Variants in PTCHD4 observed in about 807,000 individuals in gnomAD.
PTCHD4 encodes the protein patched domain containing 4.
Under a neutral mutation model 58.1 loss-of-function variants are expected in PTCHD4, and 33 were observed. The ratio of observed to expected loss-of-function variants is 0.57; its 90% CI spans 0.43 to 0.76. The LOEUF is 0.76. Ranked by LOEUF, PTCHD4 falls within the 30% of genes least tolerant of loss-of-function variation. The pLI is 0.00. For synonymous variants in PTCHD4, 478 were observed against 409.6 expected, an observed-to-expected ratio of 1.17 and a Z score of -2.02; for missense variants, 1,058 against 1,027.1, an observed-to-expected ratio of 1.03 and a Z score of -0.41.
intron 1 of PTCHD4, among the ~76,000 whole-genome samples, chr6:48,082,974 A>T (rs982676904): frequency 6.6e-6 from 1 of 151,826 alleles, no homozygotes; most frequent in African/African-American, 2.4e-5. Flanking sequence ...AATAAACATC[A>T]TTTAATATAA....
intron 4 of PTCHD4, among the ~76,000 whole-genome samples, chr6:47,965,692 G>T (rs952923799): frequency 6.6e-6 from 1 of 152,152 alleles, no homozygotes; most frequent in Admixed American, 6.5e-5. Flanking sequence ...ACTTTGGGAG[G>T]CCAAGGAGGG....
chr6:48,013,236 A>T (rs1762747999), intron 3 of PTCHD4, among the ~76,000 whole-genome samples: 2 of 152,008 alleles, frequency 1.3e-5, no homozygotes, highest in Admixed American at 1.3e-4. Flanking sequence ...TAGGCTCTTA[A>T]TTACTGCCTC....
chr6:47,941,109 G>A (rs937712231), intron 4 of PTCHD4, among the ~76,000 whole-genome samples: 11 of 152,096 alleles, frequency 7.2e-5, no homozygotes, highest in Admixed American at 6.5e-5. Context: ...ACTCTCCCTC[G>A]TAACACAGGG....
intron 4 of PTCHD4, among the ~76,000 whole-genome samples, chr6:47,964,498 A>C (rs1395221432): frequency 6.6e-6 from 1 of 152,146 alleles, no homozygotes; most frequent in South Asian, 2.1e-4. Context: ...CTGCCTAACT[A>C]TTGGGGGCTG....
chr6:47,989,980 C>A (rs1181709609), intron 4 of PTCHD4, among the ~76,000 whole-genome samples: 1 of 152,174 alleles, frequency 6.6e-6, no homozygotes, highest in Non-Finnish European at 1.5e-5. Context: ...GGGACTCTAC[C>A]CTGCAAAGCC....
chr6:47,991,662 A>G (rs1242318939), intron 4 of PTCHD4, among the ~76,000 whole-genome samples: 1 of 152,110 alleles, frequency 6.6e-6, no homozygotes, highest in Non-Finnish European at 1.5e-5. Context: ...AGTGCTAGAC[A>G]GCAATATCAT....
intron 4 of PTCHD4, among the ~76,000 whole-genome samples, chr6:47,889,753 A>G (rs1348715917): frequency 2.0e-5 from 3 of 150,934 alleles, no homozygotes; most frequent in African/African-American, 7.3e-5. Flanking sequence ...TAAAAACCCT[A>G]GAAGAAAACC....
intron 4 of PTCHD4, among the ~76,000 whole-genome samples, chr6:47,916,520 C>T (rs1233127008): frequency 6.6e-6 from 1 of 152,160 alleles, no homozygotes; most frequent in East Asian, 1.9e-4. Flanking sequence ...GGAAAATCTG[C>T]CCCCTTATCT....
chr6:48,054,464 A>G (rs543120034), intron 3 of PTCHD4, among the ~76,000 whole-genome samples: 6 of 152,290 alleles, frequency 3.9e-5, no homozygotes, highest in African/African-American at 1.4e-4. Context: ...CATAAATTTC[A>G]TAAGTTTAAA....
chr6:48,095,855 C>T (rs1262165076), intron 1 of PTCHD4, among the ~76,000 whole-genome samples: 3 of 151,972 alleles, frequency 2.0e-5, no homozygotes, highest in Non-Finnish European at 4.4e-5. Context: ...CTGATGTCAG[C>T]TAGGGCTTTG....
intron 4 of PTCHD4, among the ~76,000 whole-genome samples, chr6:47,919,844 C>G (rs926972269): frequency 1.3e-5 from 2 of 152,174 alleles, no homozygotes; most frequent in East Asian, 1.9e-4. Flanking sequence ...CCTGGCCAGA[C>G]AGAAAGGCTA....
At chr6:48,083,690 C>G (rs1458992264) in intron 1 of PTCHD4, among the ~76,000 whole-genome samples, 1 of 152,072 alleles carries the variant, frequency 6.6e-6, no homozygotes, top group Non-Finnish European at 1.5e-5. Flanking sequence ...ACTTAACCTG[C>G]CAGAGGTGGA....
Position 48,082,288 on chromosome 6 carries a change from G to T in PTCHD4, c.-969-12362C>A, listed in dbSNP as rs368756388. The stretch of plus-strand genomic sequence containing the variant: ...GTGGCTTATGAAACTTTCTTCTTAG[G>T]TCTTATAAAAATTCATTCAATCCAT... On this transcript the variant is annotated intron_variant, in intron 1 of 4. Transcript: ENST00000339488. 3.3e-5 allele frequency among the ~76,000 whole-genome samples: 5 copies of T among 152,122 alleles called. No homozygotes were observed. In the East Asian group the frequency reaches 7.7e-4, roughly 23 times the overall value.
chr6:48,089,632 G>GT (rs1378396309), intron 1 of PTCHD4, among the ~76,000 whole-genome samples: 10 of 152,134 alleles, frequency 6.6e-5, no homozygotes, highest in Admixed American at 3.3e-4. Flanking sequence ...TGATTTTGTA[G>GT]TTTTTTGTTC....
intron 4 of PTCHD4, among the ~76,000 whole-genome samples, chr6:47,934,092 C>T (rs1200343117): frequency 2.6e-5 from 4 of 152,064 alleles, no homozygotes; most frequent in African/African-American, 7.2e-5. Flanking sequence ...TTCCATTGAT[C>T]TCTAATGAGA....
rs1265965380 is a variant in PTCHD4, at chr6:47,875,194, T to C, written c.*3109A>G. Among the ~76,000 whole-genome samples the C allele has an allele frequency of 2.0e-5, 3 of 151,850 alleles. No individual in the cohort carries two copies. Among genetic ancestry groups the C allele is most frequent in the African/African-American group, 7.2e-5 (3 of 41,384 alleles). ...AAATTTCTTCTCTTCTAGGAGTTGA[T>C]TGGTCATCTGCTGACAACAGATAAG... On this transcript the variant is annotated 3_prime_UTR_variant, in exon 5 of 5. Coordinates refer to ENST00000339488, the MANE Select transcript of PTCHD4 (RefSeq NM_001384253.1).
At chr6:48,043,397 CTTAA>C (rs1002553831) in intron 3 of PTCHD4, among the ~76,000 whole-genome samples, 1 of 151,778 alleles carries the variant, frequency 6.6e-6, no homozygotes, top group Non-Finnish European at 1.5e-5. Context: ...CTATAAAATA[CTTAA>C]TTATTTTTAT....
chr6:48,108,450 T>C (rs1408569954), intron 1 of PTCHD4, among the ~76,000 whole-genome samples: 2 of 151,510 alleles, frequency 1.3e-5, no homozygotes, highest in Admixed American at 6.6e-5. Flanking sequence ...CAGGGACTGT[T>C]GTGGGGTGGG....
At chr6:48,030,046 T>C (rs1014043172) in intron 3 of PTCHD4, among the ~76,000 whole-genome samples, 2 of 152,070 alleles carry the variant, frequency 1.3e-5, no homozygotes, top group African/African-American at 4.8e-5. Flanking sequence ...CTTGGCTTCC[T>C]ATCCTTGAGA....
Sources: allele counts gnomAD v4.1 joint callset (sites outside exome capture counted in the v4.1 genomes callset), GRCh38; gene constraint gnomAD v4.1.1; transcripts MANE v1.5; gene names NCBI Gene and HGNC (gene_info 2026-07-23, HGNC 2026-07-21).